CDK11A: variants seen among roughly 807,000 people sequenced by gnomAD.
CDK11A encodes the protein cyclin-dependent kinase 11A.
A neutral mutation model predicts 83.6 loss-of-function variants in CDK11A; 55 were observed. The ratio of observed to expected loss-of-function variants is 0.66; its 90% CI spans 0.53 to 0.82. CDK11A has a LOEUF of 0.82. CDK11A is among the 40% of genes least tolerant of loss of function. CDK11A has a pLI of 0.00. For synonymous variants in CDK11A, 247 were observed against 302.7 expected (o/e 0.82, Z 1.91); for missense variants, 564 against 810.1 (o/e 0.70, Z 3.69).
At chr1:1,708,472 C>G (rs541786456) in intron 9 of CDK11A, among the ~76,000 whole-genome samples, 1 of 140,146 alleles carries the variant, frequency 7.1e-6, no homozygotes, top group African/African-American at 2.6e-5. Flanking sequence ...GAAACCCCGT[C>G]TCGACTAAAA....
Position 1,716,142 on chromosome 1 carries a change from C to T in CDK11A, c.488+204G>A, listed in dbSNP as rs558543028. On this transcript the variant is annotated intron_variant, in intron 5 of 19. Transcript: ENST00000404249. ...TGTCTTCCCTCAATCAAATCACACC[C>T]GTTCTTACTTCCAGATGCAGTGAAA... Among the ~76,000 whole-genome samples the T allele has an allele frequency of 1.1e-4, 16 of 150,938 alleles. No homozygotes were observed. The East Asian group carries it at 2.3e-3, about 22-fold the overall frequency.
Position 1,704,135 on chromosome 1 carries a change from A to C in CDK11A, c.1698T>G (p.Phe566Leu). 3 of 1,604,330 alleles carry C rather than the reference A, an allele frequency of 1.9e-6. No homozygotes were observed. Among genetic ancestry groups the C allele is most frequent in the Non-Finnish European group, 2.6e-6 (3 of 1,173,868 alleles). ...SHAGILKVGD[F>L]GLAREYGSPL... is the part of the protein sequence containing the mutation. ...GGGATCCGTACTCCCGCGCCAGCCC[A>C]AAATCACCCACCTGCAACGACAGAT... The change falls in exon 16 of 20, where the codon TTT (phenylalanine) becomes TTG (leucine). Residue 566 changes from phenylalanine (F) to leucine (L), a missense_variant. By Grantham distance (22) the Phe-to-Leu change is conservative. Transcript: ENST00000404249.
rs781062278 is a variant in CDK11A at position 1,704,322 on chromosome 1, G to T, written c.1587C>A (p.Ile529=). Reference sequence around the variant, plus strand: ...GGTGTTTCACCCCCCGCAGCAGCTGGATCATCAGGGTCTTCACCTCCCCTG... The same window carrying T: ...GGTGTTTCACCCCCCGCAGCAGCTGTATCATCAGGGTCTTCACCTCCCCTG... ...FLPGEVKTLM[I]QLLRGVKHLH... The change falls in exon 15 of 20, where the codon ATC becomes ATA. Residue 529 remains isoleucine, a synonymous_variant. Transcript: ENST00000404249. The T allele has an allele frequency of 7.5e-6, 12 of 1,607,450 alleles. 2 individuals carry two copies. The highest frequency in any genetic ancestry group is 1.0e-5 in the Non-Finnish European group (12 of 1,176,136).
At position 1,703,407 on chromosome 1, in the gene CDK11A, G is replaced by A. The variant is rs554927088; in HGVS notation, c.2060+69C>T. 1.3e-3 allele frequency: 1,710 copies of A among 1,292,150 alleles called. 82 individuals carry two copies. The East Asian group carries it at 0.038, about 29-fold the overall frequency. 80.0% of individuals were successfully genotyped at this position (1,292,150 alleles called of 1,614,324 possible). ...GTTCTGGAACGTGGTGAGCCAGCAG[G>A]TAGGCCTGGGACTGGGAAGTCACCG... On this transcript the variant is annotated intron_variant, in intron 18 of 19. Transcript: ENST00000404249.
In CDK11A at chr1:1,713,053, G is replaced by T. The variant is rs1343807935; in HGVS notation, c.489-653C>A. Among the ~76,000 whole-genome samples, 10 of 37,988 alleles carry T rather than the reference G, an allele frequency of 2.6e-4. 5 individuals carry two copies. Among genetic ancestry groups the T allele is most frequent in the Non-Finnish European group, 1.3e-3 (10 of 7,746 alleles). 24.9% of individuals were successfully genotyped at this position (37,988 alleles called of 152,430 possible). On this transcript the variant is annotated intron_variant, in intron 5 of 19. Transcript: ENST00000404249. ...GGCTGGAGTGCAGTGGCGCAATCTCGGCTCACTGCAACCTCCATCTCACGA... is the reference window on the plus strand; with the variant it reads ...GGCTGGAGTGCAGTGGCGCAATCTCTGCTCACTGCAACCTCCATCTCACGA...
chr1:1,706,000 T>C (rs1644292802), intron 11 of CDK11A, among the ~76,000 whole-genome samples: 1 of 150,546 alleles, frequency 6.6e-6, no homozygotes, highest in African/African-American at 2.5e-5. Flanking sequence ...TCCAGCACTT[T>C]GGGAGGGCAA....
In CDK11A at chr1:1,707,465, C is replaced by T; in HGVS notation, c.1189G>A (p.Ala397Thr). 2 of 1,607,658 alleles carry T rather than the reference C, an allele frequency of 1.2e-6. No homozygotes were observed. The highest frequency in any genetic ancestry group is 1.7e-6 in the Non-Finnish European group (2 of 1,175,910). The change falls in exon 11 of 20, where the codon GCC becomes ACC. Residue 397 changes from alanine (A) to threonine (T), a missense_variant. Physicochemically the swap from Ala to Thr is moderately conservative, Grantham distance 58. Coordinates refer to ENST00000404249, the MANE Select transcript of CDK11A (RefSeq NM_024011.4). ...TGCTTGAGCTCGATGGGCAACAGGG[C>T]AGGGGAGTCGGGCACATAGTCGCCC... ...TEGDYVPDSP[A>T]LLPIELKQEL...
Position 1,720,696 on chromosome 1 carries a change from C to CTTATT in CDK11A, c.227+895_227+899dup, listed in dbSNP as rs1553177987. ...ACAGGCATGAGCCATCGCACCCGGA[C>CTTATT]TTATTATTTTTTTCAGACAGAATCT... On this transcript the variant is annotated intron_variant, in intron 3 of 19. Coordinates refer to ENST00000404249, the MANE Select transcript of CDK11A (RefSeq NM_024011.4). 2.0e-5 allele frequency among the ~76,000 whole-genome samples: 3 copies of CTTATT among 149,398 alleles called. 1 individual carries two copies. The highest frequency in any genetic ancestry group is 4.5e-5 in the Non-Finnish European group (3 of 67,228).
chr1:1,703,750 C>A (rs1644180401), intron 17 of CDK11A, 74 bp downstream of exon 17: 4 of 1,577,394 alleles, frequency 2.5e-6, no homozygotes, highest in African/African-American at 1.4e-5. Flanking sequence ...CAACCCAGCA[C>A]CTGTGCGCCC....
At chr1:1,718,605 C>T (rs148889398) in intron 4 of CDK11A, among the ~76,000 whole-genome samples, 10,359 of 148,840 alleles carry the variant, frequency 0.07, 1,461 homozygotes, top group African/African-American at 0.24. Context: ...TCTGAACGGT[C>T]TGTGACGCAC....
At position 1,704,994 on chromosome 1, in the gene CDK11A, C is replaced by A; in HGVS notation, c.1368G>T (p.Met456Ile). The A allele has an allele frequency of 6.3e-7, 1 of 1,598,508 alleles. No homozygotes were observed. The highest frequency in any genetic ancestry group is 8.5e-7 in the Non-Finnish European group (1 of 1,174,038). ...TCGGGAAGCCCTCCTTCTCCTTCTCCATCTTCAGCCGCTTTAGAGCCACAA... is the reference window on the plus strand; with the variant it reads ...TCGGGAAGCCCTCCTTCTCCTTCTCAATCTTCAGCCGCTTTAGAGCCACAA... ...DEIVALKRLK[M>I]EKEKEGFPIT... The change falls in exon 13 of 20, where the codon ATG becomes ATT. Residue 456 changes from methionine (M) to isoleucine (I), a missense_variant. Physicochemically the swap from Met to Ile is conservative, Grantham distance 10 (BLOSUM62 1). Coordinates refer to ENST00000404249, the MANE Select transcript of CDK11A (RefSeq NM_024011.4).
intron 4 of CDK11A, among the ~76,000 whole-genome samples, chr1:1,716,692 T>C (rs1210186342): frequency 6.7e-6 from 1 of 149,840 alleles, no homozygotes; most frequent in Non-Finnish European, 1.5e-5. Context: ...CAGGCACCTG[T>C]AATCCCAGGT....
chr1:1,713,553 T>G (rs2101235671), intron 5 of CDK11A, among the ~76,000 whole-genome samples: 1 of 109,522 alleles, frequency 9.1e-6, no homozygotes, highest in South Asian at 3.2e-4. Context: ...GGGATCACCA[T>G]ATGCCTCATG....
intron 3 of CDK11A, among the ~76,000 whole-genome samples, chr1:1,720,736 G>A (rs199930903): frequency 6.7e-6 from 1 of 150,054 alleles, no homozygotes; most frequent in East Asian, 2.0e-4. Flanking sequence ...ATGTCCCCCA[G>A]GGTAGAATAC....
intron 4 of CDK11A, among the ~76,000 whole-genome samples, chr1:1,718,611 C>T (rs559471297): frequency 0.07 from 10,343 of 148,596 alleles, 1,455 homozygotes; most frequent in African/African-American, 0.24. Flanking sequence ...CGGTCTGTGA[C>T]GCACGTATGC....
chr1:1,715,073 T>G (rs192208841), intron 5 of CDK11A, among the ~76,000 whole-genome samples: 1 of 145,402 alleles, frequency 6.9e-6, no homozygotes, highest in Non-Finnish European at 1.5e-5. Context: ...TGCTTCCAAG[T>G]GCAGAGTGGA....
chr1:1,719,641 A>G (rs1168753542), intron 3 of CDK11A, among the ~76,000 whole-genome samples, 186 bp from the exon 4 acceptor site: 2 of 15,370 alleles, frequency 1.3e-4, no homozygotes, highest in East Asian at 1.9e-3. Flanking sequence ...TTTTAGACGG[A>G]GTCTCGCTCT....
In CDK11A at chr1:1,704,610, T is replaced by C; in HGVS notation, c.1504A>G (p.Asn502Asp). 1 of 1,600,036 alleles carries C rather than the reference T, an allele frequency of 6.2e-7. No homozygotes were observed. Among genetic ancestry groups the C allele is most frequent in the Admixed American group, 1.7e-5 (1 of 58,672 alleles). The change falls in exon 14 of 20, where the codon AAC (asparagine) becomes GAC (aspartate). Residue 502 changes from asparagine to aspartate, a missense_variant. Asn to Asp is a conservative substitution (Grantham distance 23). This residue lies in a region of CDK11A where 361 missense variants were observed against 402.7 expected (regional missense o/e 0.90). Coordinates refer to ENST00000404249, the MANE Select transcript of CDK11A (RefSeq NM_024011.4). ...SNMDKIYIVM[N>D]YVEHDLKSLM... ...CTCTTGAGGTCGTGCTCCACGTAGT[T>C]CATCACGATGTAGATCTTGTCCATG...
rs761379156 is a variant in CDK11A at position 1,703,619 on chromosome 1, C to T, written c.1917G>A (p.Leu639=). 1.2e-5 allele frequency: 19 copies of T among 1,596,482 alleles called. 3 individuals carry two copies. The highest frequency in any genetic ancestry group is 3.3e-4 in the Middle Eastern group (2 of 6,014). The change falls in exon 18 of 20, where the codon CTG becomes CTA. Residue 639 remains leucine, a synonymous_variant. Transcript: ENST00000404249. ...GCCAGATTTTCTCACTGGGGGTCCC[C>T]AGCTCCTGAAAGACAGAGGTGCTTC... ...IDQINKVFKE[L]GTPSEKIWPG...
Sources: gnomAD v4.1 joint callset for allele counts (sites outside exome capture counted in the v4.1 genomes callset) on GRCh38, gnomAD v4.1.1 for gene constraint, gnomAD v4.1.1 regional missense constraint, MANE v1.5 for transcripts, NCBI Gene and HGNC (gene_info 2026-07-23, HGNC 2026-07-21) for gene names.